ELAVL1: variants seen among roughly 807,000 people sequenced by gnomAD.
The protein encoded by ELAVL1 is ELAV like RNA binding protein 1, also known as ELAV-like protein 1.
ELAVL1 carries 1 observed loss-of-function variant against 28.4 expected under a neutral mutation model. The ratio of observed to expected loss-of-function variants is 0.04; its 90% CI spans 0.01 to 0.17. The LOEUF (loss-of-function observed/expected upper bound fraction) is 0.17, where lower values mean the gene tolerates loss of function less well. Ranked by LOEUF, ELAVL1 falls within the 10% of genes least tolerant of loss-of-function variation. ELAVL1 has a pLI of 1.00. For missense variants in ELAVL1, 157 were observed against 447.2 expected (o/e 0.35, Z 5.85); for synonymous variants, 174 against 183.5 (o/e 0.95, Z 0.42).
At position 7,979,639 on chromosome 19, in the gene ELAVL1, C is replaced by A. The variant is rs1985397031; in HGVS notation, c.276+1444G>T. ...AGGGCTGCCCCTGCTCAGGTGGAAT[C>A]CCATGGCGCTTGGCTGCCCTCACCA... On this transcript the variant is annotated intron_variant, in intron 3 of 5. Coordinates refer to ENST00000407627, the MANE Select transcript of ELAVL1 (RefSeq NM_001419.3). The surrounding 1 kb of genome is among the most constrained non-coding windows in gnomAD (Gnocchi z 5.4). Among the ~76,000 whole-genome samples, 1 of 152,188 alleles carries A rather than the reference C, an allele frequency of 6.6e-6. No homozygotes were observed. Among genetic ancestry groups the A allele is most frequent in the South Asian group, 2.1e-4 (1 of 4,830 alleles).
In ELAVL1 at chr19:7,963,690, C is replaced by A; in HGVS notation, c.774G>T (p.Gly258=). ...ACGGCCCAAACATCTGCCAGAGGAT[C>A]CCCTCGTCGGCATCCTGCCCCAGGT... is the stretch of plus-strand genomic sequence containing the variant. ...IYNLGQDADE[G]ILWQMFGPFG... is the part of the protein sequence containing the mutation. Residue 258 remains glycine (G), a synonymous_variant, in exon 6 of 6, where the codon GGG becomes GGT. Coordinates refer to ENST00000407627, the MANE Select transcript of ELAVL1 (RefSeq NM_001419.3). The surrounding 1 kb of genome is among the most constrained non-coding windows in gnomAD (Gnocchi z 4.5). The A allele has an allele frequency of 6.2e-7, 1 of 1,614,266 alleles. No individual in the cohort carries two copies. The highest frequency in any genetic ancestry group is 8.5e-7 in the Non-Finnish European group (1 of 1,180,048).
rs201931966 is a variant in ELAVL1, at chr19:7,973,705, G to A, written c.430+20C>T. On this transcript the variant is annotated intron_variant, in intron 4 of 5. Coordinates refer to ENST00000407627, the MANE Select transcript of ELAVL1 (RefSeq NM_001419.3). ...CACCTAGAGAACACCCTCCCCACGCGTCTGGGGCCCCTCTGGTACCTGTAG... is the reference window on the plus strand; with the variant it reads ...CACCTAGAGAACACCCTCCCCACGCATCTGGGGCCCCTCTGGTACCTGTAG... 3.2e-5 allele frequency: 52 copies of A among 1,608,352 alleles called. No individual in the cohort carries two copies. Among genetic ancestry groups the A allele is most frequent in the East Asian group, 6.7e-5 (3 of 44,712 alleles).
At chr19:7,984,259 G>A (rs879496322) in intron 2 of ELAVL1, among the ~76,000 whole-genome samples, 7 of 152,266 alleles carry the variant, frequency 4.6e-5, no homozygotes, top group Admixed American at 2.0e-4. Flanking sequence ...GAGGACGGTC[G>A]CTGCCATCAT....
intron 1 of ELAVL1, among the ~76,000 whole-genome samples, chr19:7,997,643 A>G (rs1458727952): frequency 6.6e-6 from 1 of 152,146 alleles, no homozygotes; most frequent in Non-Finnish European, 1.5e-5. Flanking sequence ...CCTACATGCA[A>G]ATTTAAAAAT....
chr19:7,971,111 C>A, intron 4 of ELAVL1, among the ~76,000 whole-genome samples: 1 of 152,162 alleles, frequency 6.6e-6, no homozygotes, highest in East Asian at 1.9e-4. Flanking sequence ...GGTTCACAGC[C>A]GACCCTGGGG....
At position 7,981,454 on chromosome 19, in the gene ELAVL1, C is replaced by A. The variant is rs1416356483; in HGVS notation, c.173-268G>T. ...CTCACCGCCACCTCAAATTCTTGGG[C>A]TCAAGACAGCCTCCCACCTCAGCCT... is the stretch of plus-strand genomic sequence containing the variant. On this transcript the variant is annotated intron_variant, in intron 2 of 5. Coordinates refer to ENST00000407627, the MANE Select transcript of ELAVL1 (RefSeq NM_001419.3). The surrounding 1 kb of genome is among the most constrained non-coding windows in gnomAD (Gnocchi z 4.2). 6.6e-6 allele frequency among the ~76,000 whole-genome samples: 1 copy of A among 151,386 alleles called. No individual in the cohort carries two copies. The highest frequency in any genetic ancestry group is 1.9e-4 in the East Asian group (1 of 5,138).
In ELAVL1 at chr19:7,964,881, C is replaced by CGGCATCTGTGAAGCT; in HGVS notation, c.657-1089_657-1075dup. 2.0e-5 allele frequency among the ~76,000 whole-genome samples: 3 copies of CGGCATCTGTGAAGCT among 152,288 alleles called. No homozygotes were observed. In the East Asian group the frequency reaches 5.8e-4, roughly 29 times the overall value. On this transcript the variant is annotated intron_variant, in intron 5 of 5. Coordinates refer to ENST00000407627, the MANE Select transcript of ELAVL1 (RefSeq NM_001419.3). The stretch of plus-strand genomic sequence containing the variant: ...TCTGAGTAGCATACATTTGTGAAGC[C>CGGCATCTGTGAAGCT]GGCATCTGTGAAGCTGCGTGATGCA...
chr19:7,973,935 G>T (rs1386051776), intron 3 of ELAVL1, 57 bp from the exon 4 acceptor site: 1 of 1,594,330 alleles, frequency 6.3e-7, no homozygotes, highest in Non-Finnish European at 8.6e-7. Context: ...AAGCATTGAG[G>T]AGGGTGTTGA....
intron 5 of ELAVL1, among the ~76,000 whole-genome samples, chr19:7,966,994 G>A (rs964365016): frequency 4.0e-5 from 6 of 151,482 alleles, no homozygotes; most frequent in East Asian, 3.9e-4. Flanking sequence ...AAGTGCTCAC[G>A]CTCACAGCAA....
At chr19:7,969,954 T>C (rs1430832531) in intron 4 of ELAVL1, among the ~76,000 whole-genome samples, 1 of 152,106 alleles carries the variant, frequency 6.6e-6, no homozygotes, top group African/African-American at 2.4e-5. Context: ...TTTGTTTTTT[T>C]CTTCCCCTAG....
intron 4 of ELAVL1, among the ~76,000 whole-genome samples, chr19:7,969,802 G>C (rs2145203279): frequency 6.6e-6 from 1 of 152,222 alleles, no homozygotes; most frequent in East Asian, 1.9e-4. Context: ...GGGTTGTAGA[G>C]TGGCTTTCAA....
chr19:8,003,369 A>AAG lies in ELAVL1; in HGVS notation c.-17+2125_-17+2126insCT, dbSNP rs1555713843. On this transcript the variant is annotated intron_variant, in intron 1 of 5. Transcript: ENST00000407627. ...TGAAACTGTCTCAAAAAAAAAAAAAAAAAAAGAAAAAGAAAAAAAAAAAAA... is the reference window on the plus strand; with the variant it reads ...TGAAACTGTCTCAAAAAAAAAAAAAAAGAAAAAGAAAAAGAAAAAAAAAAAAA... Among the ~76,000 whole-genome samples the AAG allele has an allele frequency of 2.5e-3, 331 of 132,886 alleles. 1 individual carries two copies. The highest frequency in any genetic ancestry group is 9.0e-3 in the African/African-American group (317 of 35,084). 87.2% of individuals were successfully genotyped at this position (132,886 alleles called of 152,430 possible). A position where few individuals can be genotyped will look rare whatever the true frequency, so the allele number is the denominator to read the frequency against.
chr19:7,960,383 C>G lies in ELAVL1; in HGVS notation c.*3100G>C, dbSNP rs896828590. On this transcript the variant is annotated 3_prime_UTR_variant, in exon 6 of 6. Coordinates refer to ENST00000407627, the MANE Select transcript of ELAVL1 (RefSeq NM_001419.3). ...CCAGCACCACCTGCGGGCGGGCCCC[C>G]GAGGAAGCCCATGAATTTCAGGATA... 1 of 152,174 alleles carries G rather than the reference C, an allele frequency of 6.6e-6. No homozygotes were observed. The highest frequency in any genetic ancestry group is 1.5e-5 in the Non-Finnish European group (1 of 68,038). The allele number at this position is 152,174 out of a possible 1,614,324, so 9.4% of individuals were successfully genotyped here. A position where few individuals can be genotyped will look rare whatever the true frequency, so the allele number is the denominator to read the frequency against.
At chr19:7,974,194 G>A (rs1985210440) in intron 3 of ELAVL1, among the ~76,000 whole-genome samples, 1 of 149,986 alleles carries the variant, frequency 6.7e-6, no homozygotes, top group African/African-American at 2.4e-5. Context: ...CTGATGTGCT[G>A]GACAGTGAGC....
chr19:7,974,384 C>G (rs1428295429), intron 3 of ELAVL1, among the ~76,000 whole-genome samples: 2 of 151,496 alleles, frequency 1.3e-5, no homozygotes, highest in African/African-American at 4.8e-5. Context: ...CTCAAGTGTT[C>G]AATATTAAAC....
At position 7,959,117 on chromosome 19, in the gene ELAVL1, T is replaced by C. The variant is rs1375056150; in HGVS notation, c.*4366A>G. ...AAAACTGATAAGGGCTTTTCTTTTT[T>C]TTTTTCTGAAAATAATTTAAAAAGC... On this transcript the variant is annotated 3_prime_UTR_variant, in exon 6 of 6. Coordinates refer to ENST00000407627, the MANE Select transcript of ELAVL1 (RefSeq NM_001419.3). The C allele has an allele frequency of 6.5e-6, 1 of 152,898 alleles. No homozygotes were observed. Among genetic ancestry groups the C allele is most frequent in the Non-Finnish European group, 1.5e-5 (1 of 67,990 alleles). The allele number at this position is 152,898 out of a possible 1,614,324, so 9.5% of individuals were successfully genotyped here.
chr19:7,964,018 T>C (rs1984882662), intron 5 of ELAVL1, among the ~76,000 whole-genome samples: 1 of 152,186 alleles, frequency 6.6e-6, no homozygotes, highest in Non-Finnish European at 1.5e-5. Flanking sequence ...TGTAGGGAGC[T>C]GACTCTGAGG....
chr19:7,966,790 C>T (rs1984966365), intron 5 of ELAVL1, among the ~76,000 whole-genome samples: 2 of 151,730 alleles, frequency 1.3e-5, no homozygotes, highest in Non-Finnish European at 2.9e-5. Context: ...CAGTTTTTTT[C>T]ATTACTTTTT....
intron 5 of ELAVL1, among the ~76,000 whole-genome samples, 178 bp downstream of exon 5, chr19:7,967,387 G>A (rs1376800457): frequency 3.3e-5 from 5 of 152,190 alleles, no homozygotes; most frequent in African/African-American, 9.7e-5. Context: ...GGAAGTAAAC[G>A]GCTTTCCTAC....
Sources: allele counts gnomAD v4.1 joint callset (sites outside exome capture counted in the v4.1 genomes callset), GRCh38; gene constraint gnomAD v4.1.1; non-coding constraint Gnocchi (gnomAD v3.1); transcripts MANE v1.5; gene names NCBI Gene and HGNC (gene_info 2026-07-23, HGNC 2026-07-21).